Variants in TMEM156 observed in about 807,000 individuals in gnomAD.
The protein encoded by TMEM156 is transmembrane protein 156.
In TMEM156, 28 loss-of-function variants were observed where a neutral mutation model predicts 30.5. The ratio of observed to expected loss-of-function variants is 0.92; its 90% CI spans 0.68 to 1.26. The LOEUF is 1.26. Among genes scored for constraint, TMEM156 ranks in the 50% most tolerant of loss-of-function variants. The pLI, the probability that TMEM156 is intolerant of heterozygous loss-of-function variation, is 0.00. For missense variants in TMEM156, 351 were observed against 340.6 expected (o/e 1.03, Z -0.24); for synonymous variants, 137 against 119.9 (o/e 1.14, Z -0.93).
intron 5 of TMEM156, among the ~76,000 whole-genome samples, chr4:38,972,192 T>C (rs931567475): frequency 2.7e-5 from 4 of 150,894 alleles, no homozygotes; most frequent in Non-Finnish European, 4.4e-5. Flanking sequence ...TTCTTGTCCA[T>C]GAAGATGATC....
intron 1 of TMEM156, among the ~76,000 whole-genome samples, chr4:39,019,545 G>A (rs377695617): frequency 1.3e-5 from 2 of 152,066 alleles, no homozygotes; most frequent in Non-Finnish European, 2.9e-5. Flanking sequence ...AAACGACTCT[G>A]TTTGTCCTCC....
intron 1 of TMEM156, among the ~76,000 whole-genome samples, chr4:39,012,645 A>C (rs550565000): frequency 5.9e-5 from 9 of 152,196 alleles, no homozygotes; most frequent in Non-Finnish European, 1.2e-4. Context: ...GTCTCTAGTA[A>C]AAATACAAAA....
Position 38,971,006 on chromosome 4 carries a change from G to A in TMEM156, c.*38+26C>T, listed in dbSNP as rs1722569572. On this transcript the variant is annotated intron_variant, in intron 6 of 6. Coordinates refer to ENST00000381938, the MANE Select transcript of TMEM156 (RefSeq NM_024943.3). Reference sequence around the variant, plus strand: ...ATTTATCTGTGTTTATAATGAAGAAGTCGATAAAGCCGAATCATCACTCAC... The same window carrying A: ...ATTTATCTGTGTTTATAATGAAGAAATCGATAAAGCCGAATCATCACTCAC... The A allele has an allele frequency of 2.8e-6, 4 of 1,419,360 alleles. No individual in the cohort carries two copies. In the Admixed American group the frequency reaches 7.0e-5, roughly 25 times the overall value. The allele number at this position is 1,419,360 out of a possible 1,614,324, so 87.9% of individuals were successfully genotyped here.
At chr4:38,970,745 G>T (rs1272409942) in intron 6 of TMEM156, among the ~76,000 whole-genome samples, 1 of 152,066 alleles carries the variant, frequency 6.6e-6, no homozygotes, top group African/African-American at 2.4e-5. Context: ...CTAAGTTATG[G>T]CTCAACTCCG....
chr4:39,001,428 G>A (rs1399434088), intron 1 of TMEM156, among the ~76,000 whole-genome samples: 2 of 150,034 alleles, frequency 1.3e-5, no homozygotes, highest in Admixed American at 6.6e-5. Context: ...CAACTGACAT[G>A]GTTAATTCCA....
chr4:39,002,580 C>T lies in TMEM156; in HGVS notation c.89-3671G>A, dbSNP rs1344288196. On this transcript the variant is annotated intron_variant, in intron 1 of 6. Coordinates refer to ENST00000381938, the MANE Select transcript of TMEM156 (RefSeq NM_024943.3). Reference sequence around the variant, plus strand: ...AATCATGCTGCTATAAAGACACATGCACACGTATGTTTATTGAGGCATTAT... The same window carrying T: ...AATCATGCTGCTATAAAGACACATGTACACGTATGTTTATTGAGGCATTAT... Among the ~76,000 whole-genome samples the T allele has an allele frequency of 2.8e-5, 4 of 143,934 alleles. No individual in the cohort carries two copies. In the South Asian group the frequency reaches 9.7e-4, roughly 35 times the overall value. 94.4% of individuals were successfully genotyped at this position (143,934 alleles called of 152,430 possible). A position where few individuals can be genotyped will look rare whatever the true frequency, so the allele number is the denominator to read the frequency against.
intron 5 of TMEM156, among the ~76,000 whole-genome samples, chr4:38,973,785 C>T (rs1579450941): frequency 6.6e-6 from 1 of 152,066 alleles, no homozygotes; most frequent in Admixed American, 6.5e-5. Context: ...GCAGGGCACG[C>T]TTTTAGTGTT....
In TMEM156 at chr4:38,981,520, G is replaced by C. The variant is rs1711541115; in HGVS notation, c.823+4816C>G. On this transcript the variant is annotated intron_variant, in intron 5 of 6. Coordinates refer to ENST00000381938, the MANE Select transcript of TMEM156 (RefSeq NM_024943.3). ...GAGAAACTGAAAATGCAAAAGAGCA[G>C]GAAGGCTTTTGATCTGTGGCTTAAA... Among the ~76,000 whole-genome samples, 2 of 152,154 alleles carry C rather than the reference G, an allele frequency of 1.3e-5. 1 individual carries two copies. Among genetic ancestry groups the C allele is most frequent in the Admixed American group, 1.3e-4 (2 of 15,264 alleles).
intron 1 of TMEM156, among the ~76,000 whole-genome samples, chr4:39,018,329 T>C (rs1418526235): frequency 6.6e-6 from 1 of 152,238 alleles, no homozygotes; most frequent in Non-Finnish European, 1.5e-5. Flanking sequence ...TATCTTGTTT[T>C]TTCACTGACA....
intron 3 of TMEM156, among the ~76,000 whole-genome samples, chr4:38,989,639 C>A (rs1400684936): frequency 6.6e-6 from 1 of 152,166 alleles, no homozygotes; most frequent in Non-Finnish European, 1.5e-5. Context: ...AGGATGTTCA[C>A]CATGCAGCAG....
intron 1 of TMEM156, among the ~76,000 whole-genome samples, chr4:39,008,751 G>C (rs1463677689): frequency 6.6e-6 from 1 of 152,052 alleles, no homozygotes; most frequent in Non-Finnish European, 1.5e-5. Flanking sequence ...CAACATCTAG[G>C]TTACAACAAA....
At chr4:38,993,202 G>A (rs1712667449) in intron 3 of TMEM156, among the ~76,000 whole-genome samples, 1 of 152,022 alleles carries the variant, frequency 6.6e-6, no homozygotes. Flanking sequence ...GGCCAAGGCA[G>A]GTGGATTGCT....
intron 1 of TMEM156, among the ~76,000 whole-genome samples, chr4:39,006,096 A>G (rs1713717077): frequency 6.6e-6 from 1 of 152,030 alleles, no homozygotes; most frequent in African/African-American, 2.4e-5. Context: ...AAGTTTCACA[A>G]TATTGGCCAG....
chr4:39,015,850 G>A (rs1044983579), intron 1 of TMEM156, among the ~76,000 whole-genome samples: 3 of 152,024 alleles, frequency 2.0e-5, no homozygotes, highest in Admixed American at 6.6e-5. Flanking sequence ...GGTTTTATAA[G>A]GGGAAACCCC....
chr4:38,981,881 C>G (rs550853925), intron 5 of TMEM156, among the ~76,000 whole-genome samples: 1 of 152,246 alleles, frequency 6.6e-6, no homozygotes, highest in Non-Finnish European at 1.5e-5. Context: ...ATCACCAATG[C>G]TTAGTATAAT....
At chr4:39,021,982 C>T (rs2110057954) in intron 1 of TMEM156, among the ~76,000 whole-genome samples, 1 of 152,252 alleles carries the variant, frequency 6.6e-6, no homozygotes, top group East Asian at 1.9e-4. Context: ...GATTCTTGTC[C>T]ATTGAGTCTT....
intron 1 of TMEM156, among the ~76,000 whole-genome samples, chr4:39,018,532 T>A (rs1327563870): frequency 1.3e-5 from 2 of 152,198 alleles, no homozygotes; most frequent in Non-Finnish European, 2.9e-5. Context: ...GAGGGTCTGA[T>A]GATTGTAAAC....
chr4:39,032,063 A>G (rs113226451), intron 1 of TMEM156, among the ~76,000 whole-genome samples, 163 bp downstream of exon 1: 49 of 152,288 alleles, frequency 3.2e-4, no homozygotes, highest in African/African-American at 8.7e-4. Context: ...ACTGTACTAT[A>G]TAACAGTCAA....
chr4:38,977,982 C>T (rs1314391778), intron 5 of TMEM156, among the ~76,000 whole-genome samples: 2 of 152,182 alleles, frequency 1.3e-5, no homozygotes, highest in African/African-American at 4.8e-5. Context: ...TCCATGACAT[C>T]TGGTATCTAA....
Sources: gnomAD v4.1 joint callset for allele counts (sites outside exome capture counted in the v4.1 genomes callset) on GRCh38, gnomAD v4.1.1 for gene constraint, MANE v1.5 for transcripts, NCBI Gene and HGNC (gene_info 2026-07-23, HGNC 2026-07-21) for gene names.